The following PTPN12 variants were observed in gnomAD, a reference collection of about 807,000 sequenced individuals.
PTPN12 encodes the protein protein tyrosine phosphatase non-receptor type 12.
PTPN12 carries 29 observed loss-of-function variants against 97.6 expected under a neutral mutation model. The observed-to-expected ratio is 0.30, with a 90% CI of 0.22 to 0.41. The LOEUF (loss-of-function observed/expected upper bound fraction) is 0.41. Among genes scored for constraint, PTPN12 ranks in the 10% least tolerant of loss-of-function variants. PTPN12 has a pLI of 1.00. For synonymous variants in PTPN12, 327 were observed against 300.4 expected (o/e 1.09, Z -0.91); for missense variants, 819 against 926.0 (o/e 0.88, Z 1.50).
chr7:77,603,660 A>C (rs1270598912), intron 8 of PTPN12, among the ~76,000 whole-genome samples: 1 of 152,084 alleles, frequency 6.6e-6, no homozygotes, highest in Non-Finnish European at 1.5e-5. Flanking sequence ...TCTTATTGTT[A>C]AATCTTTGAG....
intron 5 of PTPN12, among the ~76,000 whole-genome samples, chr7:77,588,043 T>G (rs899301013): frequency 6.6e-6 from 1 of 152,224 alleles, no homozygotes; most frequent in Non-Finnish European, 1.5e-5. Flanking sequence ...CCACTAAAAC[T>G]TTCTCCATGT....
At chr7:77,546,887 A>T (rs564928231) in intron 1 of PTPN12, among the ~76,000 whole-genome samples, 2 of 152,280 alleles carry the variant, frequency 1.3e-5, no homozygotes, top group South Asian at 4.2e-4. Context: ...TCTTGTGAGA[A>T]CTCACTATCA....
chr7:77,639,167 G>C, intron 17 of PTPN12, 52 bp from the exon 18 acceptor site: 1 of 1,396,770 alleles, frequency 7.2e-7, no homozygotes, highest in Non-Finnish European at 1.0e-6. Flanking sequence ...GTTTTTAGTA[G>C]TTTGAAAGTA....
At chr7:77,625,489 C>CTCTCTCTCTT (rs1789121357) in intron 12 of PTPN12, among the ~76,000 whole-genome samples, 2 of 99,766 alleles carry the variant, frequency 2.0e-5, no homozygotes, top group Non-Finnish European at 4.2e-5. Flanking sequence ...CTCTCTCTCT[C>CTCTCTCTCTT]TCTCTCTCTC....
At chr7:77,622,865 C>CAATAAAATATACAAATAAAATTTAA (rs1788991327) in intron 12 of PTPN12, among the ~76,000 whole-genome samples, 1 of 145,098 alleles carries the variant, frequency 6.9e-6, no homozygotes, top group Non-Finnish European at 1.6e-5. Context: ...ATAAAATTTC[C>CAATAAAATATACAAATAAAATTTAA]AAAATAAAGA....
chr7:77,572,880 C>T (rs1009089472), intron 2 of PTPN12, among the ~76,000 whole-genome samples: 1 of 151,910 alleles, frequency 6.6e-6, no homozygotes, highest in African/African-American at 2.4e-5. Context: ...GTCAGGAGTT[C>T]GCGACCAGCC....
chr7:77,610,747 T>C lies in PTPN12; in HGVS notation c.763-18T>C, dbSNP rs547019952. ...TGAATAGATACACAAAGTTGATGTA[T>C]TAAATTTTCTGTTTTAGAAAATACC... On this transcript the variant is annotated intron_variant, in intron 9 of 17. Transcript: ENST00000248594. 4.4e-6 allele frequency: 7 copies of C among 1,573,818 alleles called. No individual in the cohort carries two copies. The Admixed American group carries it at 9.8e-5, about 22-fold the overall frequency.
intron 5 of PTPN12, among the ~76,000 whole-genome samples, chr7:77,588,558 C>T (rs935979952): frequency 1.3e-5 from 2 of 152,172 alleles, no homozygotes; most frequent in Non-Finnish European, 2.9e-5. Context: ...AAATGTGACA[C>T]AGACCTGAAG....
At chr7:77,604,221 T>TTC (rs1266816104) in intron 8 of PTPN12, among the ~76,000 whole-genome samples, 1 of 121,354 alleles carries the variant, frequency 8.2e-6, no homozygotes, top group Non-Finnish European at 1.7e-5. Flanking sequence ...TTTTTTTTTT[T>TTC]TTTTTTTTTT....
At chr7:77,590,419 T>C (rs1787828775) in intron 5 of PTPN12, among the ~76,000 whole-genome samples, 1 of 152,158 alleles carries the variant, frequency 6.6e-6, no homozygotes, top group Admixed American at 6.5e-5. Flanking sequence ...AAAAATAATT[T>C]AAGGTCCAAG....
At chr7:77,585,425 T>C (rs1787657674) in intron 4 of PTPN12, 118 bp from the exon 5 acceptor site, 2 of 805,342 alleles carry the variant, frequency 2.5e-6, no homozygotes, top group African/African-American at 3.5e-5. Context: ...AAACTACTTT[T>C]TTAGGCAAGC....
chr7:77,603,317 C>A (rs572858709), intron 8 of PTPN12, among the ~76,000 whole-genome samples: 3 of 152,074 alleles, frequency 2.0e-5, no homozygotes, highest in African/African-American at 7.2e-5. Context: ...CTAAATTGAC[C>A]GTTAAATATT....
intron 9 of PTPN12, among the ~76,000 whole-genome samples, chr7:77,609,863 A>AGAGC (rs1788507636): frequency 6.6e-6 from 1 of 151,132 alleles, no homozygotes. Flanking sequence ...CCTGGGCGAC[A>AGAGC]GAGCGAGACT....
chr7:77,588,361 G>C (rs1229211406), intron 5 of PTPN12, among the ~76,000 whole-genome samples: 2 of 152,160 alleles, frequency 1.3e-5, no homozygotes, highest in East Asian at 1.9e-4. Context: ...GAGGAAGAGA[G>C]ACTGTACAAA....
At chr7:77,602,427 GA>G (rs1480953857) in intron 8 of PTPN12, among the ~76,000 whole-genome samples, 1 of 152,038 alleles carries the variant, frequency 6.6e-6, no homozygotes, top group Non-Finnish European at 1.5e-5. Flanking sequence ...ACCCCTTTAA[GA>G]GGAAAAGCAC....
At chr7:77,578,828 T>C (rs1787418046) in intron 2 of PTPN12, among the ~76,000 whole-genome samples, 2 of 152,188 alleles carry the variant, frequency 1.3e-5, no homozygotes, top group South Asian at 2.1e-4. Flanking sequence ...AATTCTACTT[T>C]AGGATTTCAT....
chr7:77,630,831 A>C (rs544389719), intron 13 of PTPN12, among the ~76,000 whole-genome samples: 3 of 152,356 alleles, frequency 2.0e-5, no homozygotes, highest in Non-Finnish European at 4.4e-5. Context: ...AAGCCTATAT[A>C]AAATACGCAA....
At chr7:77,568,255 T>A (rs114679339) in intron 1 of PTPN12, among the ~76,000 whole-genome samples, 101 of 152,342 alleles carry the variant, frequency 6.6e-4, no homozygotes, top group African/African-American at 2.2e-3. Context: ...GTTCTCAAGG[T>A]TCATTATGAG....
At chr7:77,603,540 C>T (rs1028240017) in intron 8 of PTPN12, among the ~76,000 whole-genome samples, 2 of 152,174 alleles carry the variant, frequency 1.3e-5, no homozygotes, top group African/African-American at 4.8e-5. Context: ...GGCTGGAGTG[C>T]AGTGGCACAA....
Sources: allele counts gnomAD v4.1 joint callset (sites outside exome capture counted in the v4.1 genomes callset), GRCh38; gene constraint gnomAD v4.1.1; transcripts MANE v1.5; gene names NCBI Gene and HGNC (gene_info 2026-07-23, HGNC 2026-07-21).